The following DLST variants were observed in gnomAD, a reference collection of about 807,000 sequenced individuals.
DLST encodes dihydrolipoyllysine-residue succinyltransferase component of 2-oxoglutarate dehydrogenase complex, mitochondrial.
A neutral mutation model predicts 53.1 loss-of-function variants in DLST; 17 were observed. The ratio of observed to expected loss-of-function variants is 0.32; its 90% confidence interval spans 0.22 to 0.48. DLST has a LOEUF of 0.48. Ranked by LOEUF, DLST falls within the 20% of genes least tolerant of loss-of-function variation. The pLI is 0.99. For synonymous variants in DLST, 206 were observed against 204.8 expected (o/e 1.01, Z -0.05); for missense variants, 512 against 583.9 (o/e 0.88, Z 1.27).
chr14:74,891,984 C>A, intron 7 of DLST: 1 of 410,002 alleles, frequency 2.4e-6, no homozygotes, highest in Non-Finnish European at 3.3e-6. Context: ...AAAACAGAAA[C>A]AAACATTTCA....
intron 3 of DLST, 84 bp from the exon 4 acceptor site, chr14:74,889,011 G>A: frequency 1.4e-6 from 2 of 1,397,096 alleles, no homozygotes; most frequent in Non-Finnish European, 2.0e-6. Flanking sequence ...CTGTTTAAGG[G>A]GAAGGTGACC....
Position 74,902,474 on chromosome 14 carries a change from C to T in DLST, c.*144C>T. ...GCAAGGAAGCAGAGCACTGTGTAACCAGCAGTCACAGGTCTTTTCTTGGCG... is the reference window on the plus strand; with the variant it reads ...GCAAGGAAGCAGAGCACTGTGTAACTAGCAGTCACAGGTCTTTTCTTGGCG... On this transcript the variant is annotated 3_prime_UTR_variant, in exon 15 of 15. Transcript: ENST00000334220. The T allele has an allele frequency of 2.1e-6, 2 of 973,934 alleles. No homozygotes were observed. The highest frequency in any genetic ancestry group is 2.9e-6 in the Non-Finnish European group (2 of 696,118). 60.3% of individuals were successfully genotyped at this position (973,934 alleles called of 1,614,324 possible). A position where few individuals can be genotyped will look rare whatever the true frequency, so the allele number is the denominator to read the frequency against.
intron 10 of DLST, among the ~76,000 whole-genome samples, chr14:74,897,066 C>G (rs2140199991): frequency 6.6e-6 from 1 of 152,292 alleles, no homozygotes; most frequent in Admixed American, 6.5e-5. Context: ...TACTTAATGA[C>G]CAGACAATAA....
chr14:74,886,192 T>C (rs1883697816), intron 3 of DLST, among the ~76,000 whole-genome samples: 1 of 152,222 alleles, frequency 6.6e-6, no homozygotes, highest in Non-Finnish European at 1.5e-5. Context: ...TCCAAGTGTT[T>C]TTGTGGTGGT....
At chr14:74,885,393 A>G (rs564406773) in intron 2 of DLST, among the ~76,000 whole-genome samples, 193 bp from the exon 3 acceptor site, 26 of 152,300 alleles carry the variant, frequency 1.7e-4, no homozygotes, top group African/African-American at 6.3e-4. Context: ...TCGATCTCAC[A>G]TACCCATTTG....
rs1883529766 is a variant in DLST at position 74,881,984 on chromosome 14, G to A, written c.31G>A (p.Ala11Thr). ...GTCCCGATCCCGCTGTGTGTCTCGG[G>A]CGTTCAGCCGCTCGCTCTCCGCCTT... MLSRSRCVSR[A>T]FSRSLSAFQK... Residue 11 changes from alanine to threonine, a missense_variant, in exon 1 of 15, where the codon GCG (alanine) becomes ACG (threonine). Physicochemically the swap from Ala to Thr is moderately conservative, Grantham distance 58. Coordinates refer to ENST00000334220, the MANE Select transcript of DLST (RefSeq NM_001933.5). The A allele has an allele frequency of 5.1e-6, 8 of 1,572,672 alleles. No individual in the cohort carries two copies. The highest frequency in any genetic ancestry group is 6.0e-6 in the Non-Finnish European group (7 of 1,167,502).
intron 7 of DLST, chr14:74,891,696 A>C: frequency 1.0e-6 from 1 of 984,192 alleles, no homozygotes; most frequent in African/African-American, 1.7e-5. Context: ...GAGATTAATA[A>C]CTTTATCTGA....
chr14:74,902,447 A>C lies in DLST; in HGVS notation c.*117A>C, dbSNP rs1884290983. 16 of 1,310,906 alleles carry C rather than the reference A, an allele frequency of 1.2e-5. No individual in the cohort carries two copies. The highest frequency in any genetic ancestry group is 6.5e-5 in the South Asian group (4 of 61,076). The allele number at this position is 1,310,906 out of a possible 1,614,324, so 81.2% of individuals were successfully genotyped here. A position where few individuals can be genotyped will look rare whatever the true frequency, so the allele number is the denominator to read the frequency against. The stretch of plus-strand genomic sequence containing the variant: ...CAGGCAGACACATGCTGTTGGCCTC[A>C]AGCAAGGAAGCAGAGCACTGTGTAA... On this transcript the variant is annotated 3_prime_UTR_variant, in exon 15 of 15. Transcript: ENST00000334220.
intron 7 of DLST, 90 bp from the exon 8 acceptor site, chr14:74,892,744 G>T: frequency 7.5e-7 from 1 of 1,334,302 alleles, no homozygotes; most frequent in South Asian, 1.4e-5. Context: ...TTCGTTACTT[G>T]ATTGGAGCTA....
At chr14:74,883,885 CAG>C (rs950682276) in intron 2 of DLST, among the ~76,000 whole-genome samples, 16 of 152,266 alleles carry the variant, frequency 1.1e-4, no homozygotes, top group African/African-American at 3.6e-4. Context: ...TTCTAGGTAA[CAG>C]GGGTATAGAT....
intron 3 of DLST, 117 bp downstream of exon 3, chr14:74,885,751 A>G: frequency 1.0e-6 from 1 of 954,008 alleles, no homozygotes; most frequent in South Asian, 1.6e-5. Flanking sequence ...AATTGAGGTG[A>G]TTATGTTGAG....
intron 2 of DLST, among the ~76,000 whole-genome samples, chr14:74,884,349 G>A (rs1883632636): frequency 6.6e-6 from 1 of 152,120 alleles, no homozygotes; most frequent in South Asian, 2.1e-4. Flanking sequence ...TTTTCAAGTG[G>A]GAACCCTGAA....
Position 74,892,912 on chromosome 14 carries a change from C to T in DLST, c.521C>T (p.Pro174Leu), listed in dbSNP as rs1883958845. Residue 174 changes from proline (P) to leucine (L), a missense_variant, in exon 8 of 15, where the codon CCT becomes CTT. Physicochemically the swap from Pro to Leu is moderately conservative, Grantham distance 98. Transcript: ENST00000334220. The stretch of plus-strand genomic sequence containing the variant: ...GCAGAACCTACAGCAGCGGCAGTTC[C>T]TCCCCCTGCAGCACCCATACCCACT... ...PKAEPTAAAV[P>L]PPAAPIPTQM... 6.2e-7 allele frequency: 1 copy of T among 1,614,206 alleles called. No individual in the cohort carries two copies. The highest frequency in any genetic ancestry group is 8.5e-7 in the Non-Finnish European group (1 of 1,180,032).
intron 2 of DLST, among the ~76,000 whole-genome samples, chr14:74,883,650 T>C (rs1299496524): frequency 6.6e-6 from 1 of 152,214 alleles, no homozygotes; most frequent in Non-Finnish European, 1.5e-5. Flanking sequence ...GTGCTTTCTG[T>C]GAATTTTTTA....
chr14:74,882,120 C>T, intron 1 of DLST, 104 bp downstream of exon 1: 1 of 1,126,876 alleles, frequency 8.9e-7, no homozygotes, highest in Non-Finnish European at 1.2e-6. Context: ...GGCCGGGCAC[C>T]AAGGGCACTG....
In DLST at chr14:74,882,621, C is replaced by T; in HGVS notation, c.94C>T (p.Pro32Ser). The change falls in exon 2 of 15, where the codon CCT becomes TCT. Residue 32 changes from proline (P) to serine (S), a missense_variant. This residue lies in a region of DLST where 129 missense variants were observed against 90.9 expected (regional missense o/e 1.42). Coordinates refer to ENST00000334220, the MANE Select transcript of DLST (RefSeq NM_001933.5). The stretch of plus-strand genomic sequence containing the variant: ...CTGCCCTCTAGGGAGACGTTCCCTG[C>T]CTGGTAAGTTCTGCCCTTACCGTCA... ...GNCPLGRRSL[P>S]GVSLCQGPGY... The T allele has an allele frequency of 1.2e-6, 2 of 1,613,804 alleles. No homozygotes were observed. Among genetic ancestry groups the T allele is most frequent in the Non-Finnish European group, 1.7e-6 (2 of 1,179,894 alleles).
intron 3 of DLST, among the ~76,000 whole-genome samples, chr14:74,886,206 A>G (rs1883698449): frequency 6.6e-6 from 1 of 152,228 alleles, no homozygotes; most frequent in Non-Finnish European, 1.5e-5. Context: ...TGGTGGTGCT[A>G]AGAGAATGCT....
At position 74,889,241 on chromosome 14, in the gene DLST, C is replaced by A; in HGVS notation, c.200-34C>A. 2.5e-6 allele frequency: 4 copies of A among 1,607,012 alleles called. No homozygotes were observed. In the South Asian group the frequency reaches 4.4e-5, roughly 18 times the overall value. ...AAAAATATTAAAAAGGAAAAATGAA[C>A]TACTTATGATTTTCTTTTTTGCATT... is the stretch of plus-strand genomic sequence containing the variant. On this transcript the variant is annotated intron_variant, in intron 4 of 14. Coordinates refer to ENST00000334220, the MANE Select transcript of DLST (RefSeq NM_001933.5).
At position 74,900,286 on chromosome 14, in the gene DLST, C is replaced by G; in HGVS notation, c.976-3C>G. Reference sequence around the variant, plus strand: ...ACTGAAAACAGCTTTTCACCCCCTTCAGGGTCTGGTGGTTCCAGTCATCAG... The same window carrying G: ...ACTGAAAACAGCTTTTCACCCCCTTGAGGGTCTGGTGGTTCCAGTCATCAG... On this transcript the variant is annotated splice_region_variant and splice_polypyrimidine_tract_variant and intron_variant, in intron 12 of 14. Transcript: ENST00000334220. 6.2e-7 allele frequency: 1 copy of G among 1,613,870 alleles called. No individual in the cohort carries two copies. Among genetic ancestry groups the G allele is most frequent in the Non-Finnish European group, 8.5e-7 (1 of 1,179,874 alleles).
Sources: gnomAD v4.1 joint callset for allele counts (sites outside exome capture counted in the v4.1 genomes callset) on GRCh38, gnomAD v4.1.1 for gene constraint, gnomAD v4.1.1 regional missense constraint, MANE v1.5 for transcripts, NCBI Gene and HGNC (gene_info 2026-07-23, HGNC 2026-07-21) for gene names.